GABRA6: variants seen among roughly 807,000 people sequenced by gnomAD.
GABRA6 encodes the protein gamma-aminobutyric acid type A receptor subunit alpha6.
A neutral mutation model predicts 47.3 loss-of-function variants in GABRA6; 45 were observed. The observed-to-expected ratio is 0.95, with a 90% CI of 0.75 to 1.22. The LOEUF is 1.22. Ranked by LOEUF, GABRA6 falls within the 50% of genes most tolerant of loss-of-function variation. The probability of loss-of-function intolerance (pLI) is 0.00; values close to 1 mark genes in which losing one functional copy is unlikely to be tolerated. For missense variants in GABRA6, 583 were observed against 549.3 expected (o/e 1.06, Z -0.61); for synonymous variants, 219 against 194.7 (o/e 1.12, Z -1.04).
intron 3 of GABRA6, among the ~76,000 whole-genome samples, chr5:161,687,970 A>T (rs184443158): frequency 6.6e-6 from 1 of 152,288 alleles, no homozygotes. Context: ...CAGAATCCTG[A>T]ATTATTTTAG....
chr5:161,690,384 T>A (rs1444251315), intron 7 of GABRA6, 31 bp downstream of exon 7: 6 of 1,598,710 alleles, frequency 3.8e-6, no homozygotes, highest in East Asian at 4.5e-5. Context: ...TTCACGTACA[T>A]TCATCCTCCA....
chr5:161,689,218 A>G (rs948547371), intron 4 of GABRA6, 36 bp from the exon 5 acceptor site: 2 of 1,612,044 alleles, frequency 1.2e-6, no homozygotes, highest in Non-Finnish European at 1.7e-6. Context: ...TATGTCCATA[A>G]TACTAACTCA....
chr5:161,701,444 A>T (rs1227381533), intron 8 of GABRA6, 54 bp from the exon 9 acceptor site: 5 of 1,571,308 alleles, frequency 3.2e-6, no homozygotes, highest in Non-Finnish European at 3.5e-6. Flanking sequence ...TAAATAAGCA[A>T]TTAAGCAATA....
chr5:161,689,816 G>A (rs1477345209), intron 6 of GABRA6, 37 bp downstream of exon 6: 1 of 1,583,478 alleles, frequency 6.3e-7, no homozygotes, highest in East Asian at 2.2e-5. Flanking sequence ...TAATCCCTCA[G>A]GATGACTCCA....
intron 2 of GABRA6, among the ~76,000 whole-genome samples, 153 bp downstream of exon 2, chr5:161,686,501 A>C (rs1754704577): frequency 6.6e-6 from 1 of 152,192 alleles, no homozygotes; most frequent in Non-Finnish European, 1.5e-5. Flanking sequence ...TCTCTGCCTC[A>C]TCCACCATTA....
chr5:161,686,888 C>G (rs1464374138), intron 2 of GABRA6, 48 bp from the exon 3 acceptor site: 2 of 1,521,212 alleles, frequency 1.3e-6, no homozygotes, highest in African/African-American at 2.7e-5. Context: ...GATCAATCCC[C>G]TTAACATCAG....
At chr5:161,697,828 A>G (rs546712213) in intron 8 of GABRA6, among the ~76,000 whole-genome samples, 1 of 152,306 alleles carries the variant, frequency 6.6e-6, no homozygotes, top group Non-Finnish European at 1.5e-5. Context: ...AATTGAATTC[A>G]GGTCCTGCCA....
intron 6 of GABRA6, 91 bp downstream of exon 6, chr5:161,689,870 C>A: frequency 7.4e-7 from 1 of 1,345,562 alleles, no homozygotes; most frequent in Non-Finnish European, 1.1e-6. Context: ...TTCGCCTTAG[C>A]CATTCTCAGC....
chr5:161,692,726 C>T (rs557400077), intron 8 of GABRA6, among the ~76,000 whole-genome samples: 1 of 152,232 alleles, frequency 6.6e-6, no homozygotes, highest in East Asian at 1.9e-4. Flanking sequence ...AAAACATTTT[C>T]ATATTCACAT....
intron 2 of GABRA6, 119 bp downstream of exon 2, chr5:161,686,467 G>A (rs1754703998): frequency 1.2e-6 from 1 of 810,316 alleles, no homozygotes; most frequent in African/African-American, 1.7e-5. Context: ...ACGGGAGAGA[G>A]ACCATGGGTA....
chr5:161,693,358 A>G (rs967732250), intron 8 of GABRA6, among the ~76,000 whole-genome samples: 5 of 152,146 alleles, frequency 3.3e-5, no homozygotes, highest in African/African-American at 1.2e-4. Flanking sequence ...ATATAATTTA[A>G]GGATTTTTTA....
intron 6 of GABRA6, 199 bp from the exon 7 acceptor site, chr5:161,690,002 C>A (rs1754764975): frequency 4.5e-6 from 3 of 665,650 alleles, no homozygotes; most frequent in Non-Finnish European, 7.7e-6. Flanking sequence ...ATATAAAGAA[C>A]CCTACTGAAA....
chr5:161,690,207 A>G lies in GABRA6; in HGVS notation c.680A>G (p.Tyr227Cys), dbSNP rs773536012. 1 of 1,613,602 alleles carries G rather than the reference A, an allele frequency of 6.2e-7. No individual in the cohort carries two copies. Residue 227 changes from tyrosine (Y) to cysteine (C), a missense_variant, in exon 7 of 9, where the codon TAC (tyrosine) becomes TGC (cysteine). Physicochemically the swap from Tyr to Cys is radical, Grantham distance 194. Transcript: ENST00000274545. ...TGTATGTGTCTTCCAACAGGTGAAT[A>G]CGTTATAATGACAGTTTACTTCCAC... The part of the protein sequence containing the change: ...SETIKSNTGE[Y>C]VIMTVYFHLQ...
chr5:161,697,433 C>G (rs1754902725), intron 8 of GABRA6, among the ~76,000 whole-genome samples: 1 of 152,190 alleles, frequency 6.6e-6, no homozygotes, highest in Non-Finnish European at 1.5e-5. Flanking sequence ...AGCTGATTAT[C>G]CAGATGTAGA....
At position 161,701,830 on chromosome 5, in the gene GABRA6, T is replaced by G; in HGVS notation, c.*57T>G. On this transcript the variant is annotated 3_prime_UTR_variant, in exon 9 of 9. Coordinates refer to ENST00000274545, the MANE Select transcript of GABRA6 (RefSeq NM_000811.3). ...TTCTTGTTTTCTGTTTCCTATGTTT[T>G]CTTAAAAAATAGCATTGAGACTTGT... The G allele has an allele frequency of 6.4e-7, 1 of 1,574,406 alleles. No homozygotes were observed.
intron 3 of GABRA6, among the ~76,000 whole-genome samples, chr5:161,687,926 TA>T (rs201840769): frequency 0.051 from 7,782 of 152,238 alleles, 268 homozygotes; most frequent in Middle Eastern, 0.082. Flanking sequence ...ATAATTATCT[TA>T]CTATATAAGG....
intron 8 of GABRA6, among the ~76,000 whole-genome samples, chr5:161,697,275 A>G (rs963017052): frequency 2.6e-5 from 4 of 152,340 alleles, no homozygotes; most frequent in Admixed American, 6.5e-5. Context: ...TGAAGCTGCT[A>G]TGCTTACAAT....
chr5:161,699,965 C>T (rs2113088252), intron 8 of GABRA6, among the ~76,000 whole-genome samples: 1 of 152,246 alleles, frequency 6.6e-6, no homozygotes, highest in South Asian at 2.1e-4. Flanking sequence ...ATCTTGACTA[C>T]ACCATTTGTT....
chr5:161,702,129 C>T lies in GABRA6; in HGVS notation c.*356C>T. 1 of 253,698 alleles carries T rather than the reference C, an allele frequency of 3.9e-6. No individual in the cohort carries two copies. The highest frequency in any genetic ancestry group is 7.7e-6 in the Non-Finnish European group (1 of 129,700). The allele number at this position is 253,698 out of a possible 1,614,324, so 15.7% of individuals were successfully genotyped here. ...GCAGATAAAATAAGAAATGCTGACACTTCCAAAGGTTGCCTTAAAATATGT... is the reference window on the plus strand; with the variant it reads ...GCAGATAAAATAAGAAATGCTGACATTTCCAAAGGTTGCCTTAAAATATGT... On this transcript the variant is annotated 3_prime_UTR_variant, in exon 9 of 9. Coordinates refer to ENST00000274545, the MANE Select transcript of GABRA6 (RefSeq NM_000811.3).
Sources: allele counts gnomAD v4.1 joint callset (sites outside exome capture counted in the v4.1 genomes callset), GRCh38; gene constraint gnomAD v4.1.1; transcripts MANE v1.5; gene names NCBI Gene and HGNC (gene_info 2026-07-23, HGNC 2026-07-21).